NRG1: variants seen among roughly 807,000 people sequenced by gnomAD.
The protein encoded by NRG1 is neuregulin 1, also known as pro-neuregulin-1, membrane-bound isoform.
In NRG1, 18 loss-of-function variants were observed where a neutral mutation model predicts 63.8. The observed-to-expected ratio is 0.28, with a 90% confidence interval of 0.19 to 0.42. The LOEUF (loss-of-function observed/expected upper bound fraction) is 0.42, where lower values mean the gene tolerates loss of function less well. NRG1 is among the 10% of genes least tolerant of loss of function. The pLI, the probability that NRG1 is intolerant of heterozygous loss-of-function variation, is 1.00. For missense variants in NRG1, 762 were observed against 814.7 expected (o/e 0.94, Z 0.79); for synonymous variants, 302 against 301.3 (o/e 1.00, Z -0.02).
At chr8:32,725,448 C>T (rs1821852365) in intron 5 of NRG1, among the ~76,000 whole-genome samples, 1 of 138,102 alleles carries the variant, frequency 7.2e-6, no homozygotes, top group African/African-American at 2.7e-5. Context: ...CTTTAACATT[C>T]GAGGCAAACT....
chr8:32,118,817 C>G (rs1412187816), intron 1 of NRG1, among the ~76,000 whole-genome samples: 2 of 152,034 alleles, frequency 1.3e-5, no homozygotes, highest in African/African-American at 4.8e-5. Context: ...GTTTCACCGT[C>G]CTTTGAAGTG....
chr8:32,663,441 T>C (rs1226920587), intron 5 of NRG1, among the ~76,000 whole-genome samples: 1 of 152,178 alleles, frequency 6.6e-6, no homozygotes, highest in Non-Finnish European at 1.5e-5. Flanking sequence ...GCACCATGTA[T>C]ACTATAAGCT....
chr8:31,732,162 G>A (rs1814149183), intron 1 of NRG1, among the ~76,000 whole-genome samples: 1 of 152,052 alleles, frequency 6.6e-6, no homozygotes, highest in South Asian at 2.1e-4. Flanking sequence ...TCCTCTTCAG[G>A]GTGAAGGTCA....
chr8:32,290,976 T>C (rs962967111), intron 1 of NRG1, among the ~76,000 whole-genome samples: 7 of 152,070 alleles, frequency 4.6e-5, no homozygotes, highest in African/African-American at 1.7e-4. Flanking sequence ...CAGGTTATGT[T>C]GGCAAGCCAG....
chr8:32,033,564 T>G (rs915119273), intron 1 of NRG1, among the ~76,000 whole-genome samples: 2 of 152,202 alleles, frequency 1.3e-5, no homozygotes, highest in Non-Finnish European at 2.9e-5. Context: ...ACAGTATTGA[T>G]TCTTCCTATC....
rs1022412275 is a variant in NRG1, at chr8:32,632,194, T to C, written c.502+15309T>C. 4.6e-5 allele frequency among the ~76,000 whole-genome samples: 7 copies of C among 152,104 alleles called. No individual in the cohort carries two copies. In the South Asian group the frequency reaches 6.2e-4, roughly 13 times the overall value. On this transcript the variant is annotated intron_variant, in intron 5 of 11. Transcript: ENST00000356819. ...TAGCAACATTTTAAAATAAGCCACG[T>C]TAATATAAAATAAGTGAGTTCCATC...
intron 1 of NRG1, among the ~76,000 whole-genome samples, chr8:32,344,415 ATGCATGTGTGTG>A (rs1804565281): frequency 4.3e-5 from 1 of 23,526 alleles, no homozygotes; most frequent in Non-Finnish European, 9.7e-5. Flanking sequence ...GCATGCGTGC[ATGCATGTGTGTG>A]TGTGTGTGTG....
intron 1 of NRG1, among the ~76,000 whole-genome samples, chr8:31,731,971 C>T (rs571315094): frequency 2.1e-4 from 32 of 152,288 alleles, no homozygotes; most frequent in African/African-American, 6.0e-4. Flanking sequence ...AATCAACCAG[C>T]GAATGTTAGG....
At chr8:31,773,956 G>A (rs1343644344) in intron 1 of NRG1, among the ~76,000 whole-genome samples, 1 of 151,652 alleles carries the variant, frequency 6.6e-6, no homozygotes, top group Non-Finnish European at 1.5e-5. Flanking sequence ...TTACAAATCT[G>A]CATTGGGTAC....
intron 1 of NRG1, among the ~76,000 whole-genome samples, chr8:31,851,140 T>A (rs1340436777): frequency 1.3e-5 from 2 of 152,238 alleles, no homozygotes; most frequent in Non-Finnish European, 2.9e-5. Flanking sequence ...GTCTCATTGC[T>A]TTATTCCACA....
intron 1 of NRG1, among the ~76,000 whole-genome samples, chr8:32,335,811 T>G (rs1803190575): frequency 6.6e-6 from 1 of 152,112 alleles, no homozygotes; most frequent in African/African-American, 2.4e-5. Flanking sequence ...ATAGGCCGTC[T>G]CCTCGCTGTG....
At chr8:32,277,603 T>G (rs941332285) in intron 1 of NRG1, among the ~76,000 whole-genome samples, 6 of 152,234 alleles carry the variant, frequency 3.9e-5, no homozygotes, top group Non-Finnish European at 1.5e-5. Context: ...TATCTTTAAA[T>G]TTCACTGATC....
intron 1 of NRG1, among the ~76,000 whole-genome samples, chr8:32,315,708 T>A (rs372203677): frequency 3.9e-5 from 6 of 152,324 alleles, no homozygotes; most frequent in African/African-American, 1.4e-4. Context: ...TCAGAATGTC[T>A]GTGAAATGAT....
chr8:32,748,354 CACACAG>C (rs1419865791), intron 7 of NRG1, among the ~76,000 whole-genome samples: 55 of 91,372 alleles, frequency 6.0e-4, no homozygotes, highest in Admixed American at 7.3e-4. Context: ...CACACACACA[CACACAG>C]AGAGAGAGAG....
chr8:32,024,993 G>A lies in NRG1; in HGVS notation c.37+385562G>A, dbSNP rs1042150252. Among the ~76,000 whole-genome samples, 7 of 152,236 alleles carry A rather than the reference G, an allele frequency of 4.6e-5. No homozygotes were observed. The East Asian group carries it at 1.2e-3, about 25-fold the overall frequency. ...ATACATACAAATAAAATTTCTAGAA[G>A]GAAGAGTACACAATTAACAGTGGTT... is the stretch of plus-strand genomic sequence containing the variant. On this transcript the variant is annotated intron_variant, in intron 1 of 10. Coordinates refer to the NRG1 transcript ENST00000519301.
At chr8:32,651,502 G>A (rs553612651) in intron 5 of NRG1, among the ~76,000 whole-genome samples, 1 of 152,174 alleles carries the variant, frequency 6.6e-6, no homozygotes, top group South Asian at 2.1e-4. Context: ...CATAAAAAGA[G>A]CTGATTAATT....
At chr8:31,663,846 AG>A (rs954338560) in intron 1 of NRG1, among the ~76,000 whole-genome samples, 1 of 151,734 alleles carries the variant, frequency 6.6e-6, no homozygotes, top group Non-Finnish European at 1.5e-5. Flanking sequence ...TCAGGGGAGG[AG>A]GGTGCTGCAG....
intron 1 of NRG1, among the ~76,000 whole-genome samples, chr8:32,283,616 T>C (rs1472882710): frequency 1.3e-5 from 2 of 152,134 alleles, no homozygotes; most frequent in Non-Finnish European, 2.9e-5. Flanking sequence ...AAGGGCCATG[T>C]CAGATTAAGA....
intron 1 of NRG1, among the ~76,000 whole-genome samples, chr8:32,471,118 ATGTCTAT>A (rs373354425): frequency 9.0e-4 from 137 of 152,314 alleles, no homozygotes; most frequent in African/African-American, 3.2e-3. Context: ...GGAGTCATTT[ATGTCTAT>A]TGAAATATGA....
Sources: allele counts gnomAD v4.1 joint callset (sites outside exome capture counted in the v4.1 genomes callset), GRCh38; gene constraint gnomAD v4.1.1; transcripts MANE v1.5; gene names NCBI Gene and HGNC (gene_info 2026-07-23, HGNC 2026-07-21).